Variants in PLAG1 observed in about 807,000 individuals in gnomAD.
PLAG1 encodes the protein zinc finger protein PLAG1.
PLAG1 carries 7 observed loss-of-function variants against 35.5 expected under a neutral mutation model. The observed-to-expected ratio is 0.20, with a 90% CI of 0.11 to 0.37. The LOEUF (loss-of-function observed/expected upper bound fraction) is 0.37. Among genes scored for constraint, PLAG1 ranks in the 10% least tolerant of loss-of-function variants. The probability of loss-of-function intolerance (pLI) is 1.00; values close to 1 mark genes in which losing one functional copy is unlikely to be tolerated. For missense variants in PLAG1, 454 were observed against 602.8 expected (o/e 0.75, Z 2.58); for synonymous variants, 229 against 225.4 (o/e 1.02, Z -0.14).
At chr8:56,209,373 C>T (rs1812783224) in intron 1 of PLAG1, 1 of 152,224 alleles carries the variant, frequency 6.6e-6, no homozygotes, top group Non-Finnish European at 1.5e-5. Context: ...GTTTATCCCT[C>T]CTGTCCCTCC....
intron 2 of PLAG1, among the ~76,000 whole-genome samples, chr8:56,172,305 G>A (rs1435796430): frequency 2.6e-5 from 4 of 152,060 alleles, no homozygotes; most frequent in Non-Finnish European, 4.4e-5. Flanking sequence ...TTTTTTTATA[G>A]TTTAAAAGAC....
chr8:56,184,508 G>C (rs1811962840), intron 1 of PLAG1, among the ~76,000 whole-genome samples: 1 of 152,136 alleles, frequency 6.6e-6, no homozygotes, highest in African/African-American at 2.4e-5. Context: ...GAAAACATAG[G>C]TCTTCACAAA....
chr8:56,198,791 T>C (rs1388883833), intron 1 of PLAG1, among the ~76,000 whole-genome samples: 1 of 152,000 alleles, frequency 6.6e-6, no homozygotes, highest in Non-Finnish European at 1.5e-5. Flanking sequence ...ACTCCTCACC[T>C]CTGAACTCCT....
At chr8:56,210,782 A>C (rs1301563335) in intron 1 of PLAG1, among the ~76,000 whole-genome samples, 1 of 150,816 alleles carries the variant, frequency 6.6e-6, no homozygotes, top group African/African-American at 2.4e-5. Context: ...GAGGAGGAGG[A>C]GGAGGAGGAG....
At chr8:56,177,598 C>G (rs967814015) in intron 2 of PLAG1, among the ~76,000 whole-genome samples, 5 of 152,180 alleles carry the variant, frequency 3.3e-5, no homozygotes, top group Admixed American at 2.6e-4. Flanking sequence ...CCCCCAGCGA[C>G]AGTAAATTCA....
intron 1 of PLAG1, among the ~76,000 whole-genome samples, chr8:56,193,948 G>C (rs1393100013): frequency 6.6e-6 from 1 of 151,890 alleles, no homozygotes; most frequent in African/African-American, 2.4e-5. Context: ...TCGATCTCTC[G>C]ACCCCGTGAT....
intron 2 of PLAG1, among the ~76,000 whole-genome samples, chr8:56,176,046 CTTTTT>C (rs1309523141): frequency 7.7e-6 from 1 of 130,098 alleles, no homozygotes; most frequent in African/African-American, 2.9e-5. Flanking sequence ...TTTTCCTTTT[CTTTTT>C]TTTTTTTTTT....
At chr8:56,187,026 A>G (rs1812040213) in intron 1 of PLAG1, among the ~76,000 whole-genome samples, 1 of 152,130 alleles carries the variant, frequency 6.6e-6, no homozygotes, top group Admixed American at 6.5e-5. Flanking sequence ...TGACCTTCCT[A>G]AACTATAAAC....
intron 1 of PLAG1, among the ~76,000 whole-genome samples, chr8:56,192,540 AT>A (rs1317390080): frequency 2.6e-5 from 4 of 152,254 alleles, no homozygotes; most frequent in African/African-American, 7.2e-5. Flanking sequence ...TCCCAATTCA[AT>A]TTTTTAAAGT....
chr8:56,185,242 T>C (rs1811988743), intron 1 of PLAG1, among the ~76,000 whole-genome samples: 1 of 152,138 alleles, frequency 6.6e-6, no homozygotes, highest in South Asian at 2.1e-4. Flanking sequence ...CAAAAGGCCA[T>C]GAGCAAACTT....
chr8:56,199,110 T>C (rs563844637), intron 1 of PLAG1, among the ~76,000 whole-genome samples: 10 of 152,224 alleles, frequency 6.6e-5, no homozygotes, highest in South Asian at 2.1e-4. Context: ...TCAGGAAAAG[T>C]GTACACTGAG....
At chr8:56,179,122 T>C (rs1456894289) in intron 2 of PLAG1, among the ~76,000 whole-genome samples, 1 of 150,110 alleles carries the variant, frequency 6.7e-6, no homozygotes, top group East Asian at 2.0e-4. Flanking sequence ...AGTACATCTG[T>C]GGGCTATCTG....
chr8:56,206,459 G>A (rs1330621671), intron 1 of PLAG1, among the ~76,000 whole-genome samples: 1 of 151,912 alleles, frequency 6.6e-6, no homozygotes, highest in Non-Finnish European at 1.5e-5. Flanking sequence ...TAAATGAAAA[G>A]TAGTAACAGT....
chr8:56,203,354 T>C (rs759803211), intron 1 of PLAG1, among the ~76,000 whole-genome samples: 77 of 152,248 alleles, frequency 5.1e-4, no homozygotes, highest in Non-Finnish European at 7.1e-4. Context: ...TACTTGATAG[T>C]TTACTTTCAT....
chr8:56,170,406 A>C (rs1811492566), intron 3 of PLAG1, among the ~76,000 whole-genome samples: 1 of 152,230 alleles, frequency 6.6e-6, no homozygotes, highest in Non-Finnish European at 1.5e-5. Flanking sequence ...GAAATATCTA[A>C]ACAGCTACTC....
At chr8:56,183,271 G>C (rs1811925073) in intron 1 of PLAG1, among the ~76,000 whole-genome samples, 1 of 152,040 alleles carries the variant, frequency 6.6e-6, no homozygotes, top group Non-Finnish European at 1.5e-5. Context: ...AATTCATTTA[G>C]AAAAATTTAA....
intron 1 of PLAG1, among the ~76,000 whole-genome samples, chr8:56,207,059 G>C (rs1270650490): frequency 6.6e-6 from 1 of 151,832 alleles, no homozygotes; most frequent in African/African-American, 2.4e-5. Context: ...AGTTTCTTCA[G>C]TAAAACTTTT....
At chr8:56,179,023 C>CA (rs1173709224) in intron 2 of PLAG1, among the ~76,000 whole-genome samples, 10,130 of 42,936 alleles carry the variant, frequency 0.24, 1,677 homozygotes, top group East Asian at 0.44. Flanking sequence ...GCCCAGGAGA[C>CA]AAAAAAAAAA....
chr8:56,195,796 C>T (rs1467159449), intron 1 of PLAG1, among the ~76,000 whole-genome samples: 1 of 152,050 alleles, frequency 6.6e-6, no homozygotes. Flanking sequence ...CGGGAGGGGG[C>T]CAGCGCCCAG....
Sources: allele counts gnomAD v4.1 joint callset (sites outside exome capture counted in the v4.1 genomes callset), GRCh38; gene constraint gnomAD v4.1.1; transcripts MANE v1.5; gene names NCBI Gene and HGNC (gene_info 2026-07-23, HGNC 2026-07-21).